The following PKHD1L1 variants were observed in gnomAD, a reference collection of about 807,000 sequenced individuals.
PKHD1L1 encodes fibrocystin-L.
PKHD1L1 carries 434 observed loss-of-function variants against 462.9 expected under a neutral mutation model. The ratio of observed to expected loss-of-function variants is 0.94; its 90% CI spans 0.87 to 1.02. The LOEUF (loss-of-function observed/expected upper bound fraction) is 1.02, where lower values mean the gene tolerates loss of function less well. Among genes scored for constraint, PKHD1L1 ranks in the 50% least tolerant of loss-of-function variants. PKHD1L1 has a pLI of 0.00. For missense variants in PKHD1L1, 5,202 were observed against 5,096.1 expected (o/e 1.02, Z -0.63); for synonymous variants, 1,781 against 1,750.0 (o/e 1.02, Z -0.44).
intron 38 of PKHD1L1, 54 bp from the exon 39 acceptor site, chr8:109,448,089 G>T: frequency 3.5e-6 from 5 of 1,431,640 alleles, no homozygotes; most frequent in Non-Finnish European, 4.7e-6. Flanking sequence ...TCTTTAAATG[G>T]ATGTGTATTA....
intron 48 of PKHD1L1, among the ~76,000 whole-genome samples, chr8:109,462,460 C>T (rs1285557063): frequency 1.3e-5 from 2 of 152,160 alleles, no homozygotes; most frequent in African/African-American, 2.4e-5. Flanking sequence ...TTGCTCGTGC[C>T]ATGCTAGTCA....
At chr8:109,383,033 A>G (rs866696458) in intron 4 of PKHD1L1, among the ~76,000 whole-genome samples, 14 of 138,844 alleles carry the variant, frequency 1.0e-4, no homozygotes, top group South Asian at 6.4e-4. Context: ...TCCCATATAT[A>G]TATAATTAAA....
Position 109,364,562 on chromosome 8 carries a change from T to C in PKHD1L1, c.89T>C (p.Ile30Thr). Residue 30 changes from isoleucine to threonine, a missense_variant, in exon 2 of 78, where the codon ATC becomes ACC. Transcript: ENST00000378402. ...ADPSTDGSQIIPKVTEIIPKY... is the reference protein window; with the variant it reads ...ADPSTDGSQITPKVTEIIPKY... ...TATTTTTCAGATGGCTCTCAAATAA[T>C]CCCCAAAGTCACAGAAATAATACCT... is the stretch of plus-strand genomic sequence containing the variant. 6.3e-7 allele frequency: 1 copy of C among 1,595,742 alleles called. No homozygotes were observed. The highest frequency in any genetic ancestry group is 8.6e-7 in the Non-Finnish European group (1 of 1,167,212).
At chr8:109,402,458 T>C (rs1813319735) in intron 14 of PKHD1L1, among the ~76,000 whole-genome samples, 1 of 152,126 alleles carries the variant, frequency 6.6e-6, no homozygotes, top group African/African-American at 2.4e-5. Flanking sequence ...GGGCATCCCA[T>C]TGCACATGGT....
chr8:109,425,686 G>C (rs1332870887), intron 24 of PKHD1L1, among the ~76,000 whole-genome samples: 4 of 151,860 alleles, frequency 2.6e-5, no homozygotes, highest in African/African-American at 9.7e-5. Flanking sequence ...TACTGTGGTA[G>C]CCATAAACAA....
chr8:109,486,806 A>C lies in PKHD1L1; in HGVS notation c.9865A>C (p.Met3289Leu). Residue 3289 changes from methionine (M) to leucine (L), a missense_variant, in exon 59 of 78, where the codon ATG becomes CTG. Met to Leu is a conservative substitution (Grantham distance 15). Around this residue, in one of 3 missense-constraint regions of PKHD1L1, gnomAD observed 4,497 missense variants for 4,336.8 expected, o/e 1.04. Transcript: ENST00000378402. ...RVLVGSFTEN[M>L]MTFKGNARIS... Reference sequence around the variant, plus strand: ...ACTGGTTGGCTCATTCACTGAAAATATGATGACATTTAAAGGTTGGTATCA... The same window carrying C: ...ACTGGTTGGCTCATTCACTGAAAATCTGATGACATTTAAAGGTTGGTATCA... 1 of 1,611,884 alleles carries C rather than the reference A, an allele frequency of 6.2e-7. No individual in the cohort carries two copies. Among genetic ancestry groups the C allele is most frequent in the Non-Finnish European group, 8.5e-7 (1 of 1,178,546 alleles).
At position 109,507,837 on chromosome 8, in the gene PKHD1L1, G is replaced by T. The variant is rs375130996; in HGVS notation, c.11169G>T (p.Ala3723=). 1 of 1,613,554 alleles carries T rather than the reference G, an allele frequency of 6.2e-7. No individual in the cohort carries two copies. Among genetic ancestry groups the T allele is most frequent in the Non-Finnish European group, 8.5e-7 (1 of 1,179,672 alleles). ...TTGGAGACTACAGAATTCCTAAGGC[G>T]ATGCTCACATTCTTGAATGGAAGTA... ...VGIGDYRIPK[A]MLTFLNGSRI... The change falls in exon 69 of 78, where the codon GCG becomes GCT. Residue 3723 remains alanine, a synonymous_variant. Transcript: ENST00000378402.
intron 44 of PKHD1L1, among the ~76,000 whole-genome samples, chr8:109,454,458 T>C (rs938083329): frequency 6.6e-6 from 1 of 152,160 alleles, no homozygotes; most frequent in African/African-American, 2.4e-5. Flanking sequence ...TATATTCCCA[T>C]AGAGCAGAAT....
intron 67 of PKHD1L1, 161 bp downstream of exon 67, chr8:109,498,932 G>A: frequency 3.0e-6 from 2 of 668,574 alleles, no homozygotes; most frequent in Admixed American, 3.1e-5. Flanking sequence ...TCAATTTTGA[G>A]AATGGTTTCT....
At chr8:109,463,610 A>G (rs1268173208) in intron 48 of PKHD1L1, among the ~76,000 whole-genome samples, 2 of 152,170 alleles carry the variant, frequency 1.3e-5, no homozygotes, top group African/African-American at 2.4e-5. Context: ...TCTGTATTAA[A>G]TTATTAAATC....
At chr8:109,523,801 C>T (rs1198909987) in intron 76 of PKHD1L1, among the ~76,000 whole-genome samples, 1 of 152,016 alleles carries the variant, frequency 6.6e-6, no homozygotes, top group Non-Finnish European at 1.5e-5. Flanking sequence ...TTTCTGAAAG[C>T]CAAAGCAAGA....
rs1185852311 is a variant in PKHD1L1 at position 109,443,027 on chromosome 8, T to C, written c.4475T>C (p.Leu1492Pro). The C allele has an allele frequency of 6.2e-7, 1 of 1,613,618 alleles. No homozygotes were observed. The highest frequency in any genetic ancestry group is 1.3e-5 in the African/African-American group (1 of 74,920). ...GYVDEAHSIF[L>P]QGVINVLPAE... ...GTTGATGAGGCTCACTCCATTTTTCTCCAAGGAGTCATTAATGTTTTACCA... is the reference window on the plus strand; with the variant it reads ...GTTGATGAGGCTCACTCCATTTTTCCCCAAGGAGTCATTAATGTTTTACCA... Residue 1492 changes from leucine to proline, a missense_variant, in exon 36 of 78, where the codon CTC (leucine) becomes CCC (proline). This residue lies in a region of PKHD1L1 where 4,497 missense variants were observed against 4,336.8 expected (regional missense o/e 1.04). Transcript: ENST00000378402.
intron 8 of PKHD1L1, among the ~76,000 whole-genome samples, chr8:109,390,224 T>C (rs1812647529): frequency 6.6e-6 from 1 of 152,226 alleles, no homozygotes; most frequent in Admixed American, 6.5e-5. Context: ...TCATATTTTG[T>C]TATGTGTTTC....
intron 11 of PKHD1L1, among the ~76,000 whole-genome samples, chr8:109,397,189 A>G (rs1329486850): frequency 6.6e-5 from 10 of 152,234 alleles, no homozygotes; most frequent in Non-Finnish European, 1.0e-4. Context: ...AAGAGAACAT[A>G]TTAGTTTTCT....
chr8:109,427,288 A>C, intron 25 of PKHD1L1, 132 bp downstream of exon 25: 1 of 715,006 alleles, frequency 1.4e-6, no homozygotes, highest in Non-Finnish European at 2.3e-6. Context: ...ATTTCTTTAA[A>C]AGGAAGTTAA....
chr8:109,523,590 A>G (rs2131034574), intron 76 of PKHD1L1, among the ~76,000 whole-genome samples: 1 of 152,318 alleles, frequency 6.6e-6, no homozygotes, highest in East Asian at 1.9e-4. Flanking sequence ...TAAAATAAAA[A>G]ATTAAGGAAA....
At position 109,449,452 on chromosome 8, in the gene PKHD1L1, A is replaced by T. The variant is rs775309419; in HGVS notation, c.6140A>T (p.Tyr2047Phe). ...GCAATTGACAGGCTTAGATCTGATT[A>T]CACAACACTATTATGTGAAATTCCA... ...ECAIDRLRSD[Y>F]TTLLCEIPSN... Residue 2047 changes from tyrosine to phenylalanine, a missense_variant, in exon 40 of 78, where the codon TAC (tyrosine) becomes TTC (phenylalanine). By Grantham distance (22) the Tyr-to-Phe change is conservative (BLOSUM62 3). Around this residue, in one of 3 missense-constraint regions of PKHD1L1, gnomAD observed 4,497 missense variants for 4,336.8 expected, o/e 1.04. Transcript: ENST00000378402. 28 of 1,600,372 alleles carry T rather than the reference A, an allele frequency of 1.7e-5. No individual in the cohort carries two copies. The African/African-American group carries it at 3.6e-4, about 21-fold the overall frequency.
In PKHD1L1 at chr8:109,510,815, C is replaced by T. The variant is rs1205994987; in HGVS notation, c.11434C>T (p.Gln3812Ter). The T allele has an allele frequency of 1.9e-6, 3 of 1,613,152 alleles. No homozygotes were observed. In the South Asian group the frequency reaches 3.3e-5, roughly 18 times the overall value. Residue 3812 changes from glutamine (Q) to a stop codon, truncating the protein, a stop_gained, in exon 71 of 78, where the codon CAG (glutamine) becomes TAG (stop). Coordinates refer to ENST00000378402, the MANE Select transcript of PKHD1L1 (RefSeq NM_177531.6). LOFTEE classifies it high-confidence loss of function. ...TGGCTGGTGTGCTGGATATACATGCCAGAGAAGGCTGTCCCTGTTTCACAG... is the reference window on the plus strand; with the variant it reads ...TGGCTGGTGTGCTGGATATACATGCTAGAGAAGGCTGTCCCTGTTTCACAG... ...DHGWCAGYTC[Q>*]RRLSLFHSIV...
chr8:109,410,348 C>A (rs1053940966), intron 19 of PKHD1L1, among the ~76,000 whole-genome samples: 1 of 152,126 alleles, frequency 6.6e-6, no homozygotes, highest in Non-Finnish European at 1.5e-5. Context: ...GCTCACAGTT[C>A]TGTAGGCTGT....
Sources: allele counts gnomAD v4.1 joint callset (sites outside exome capture counted in the v4.1 genomes callset), GRCh38; gene constraint gnomAD v4.1.1; regional missense constraint gnomAD v4.1.1; transcripts MANE v1.5; gene names NCBI Gene and HGNC (gene_info 2026-07-23, HGNC 2026-07-21).